Variants in SMARCA1 observed in about 807,000 individuals in gnomAD.
The protein encoded by SMARCA1 is SNF2 related chromatin remodeling ATPase 1, also known as SWI/SNF-related matrix-associated actin-dependent regulator of chromatin subfamily A member 1.
In SMARCA1, 17 loss-of-function variants were observed where a neutral mutation model predicts 93.6. The observed-to-expected ratio is 0.18, with a 90% CI of 0.12 to 0.27. The LOEUF (loss-of-function observed/expected upper bound fraction) is 0.27, where lower values mean the gene tolerates loss of function less well. Ranked by LOEUF, SMARCA1 falls within the 10% of genes least tolerant of loss-of-function variation. The probability of loss-of-function intolerance (pLI) is 1.00; values close to 1 mark genes in which losing one functional copy is unlikely to be tolerated. For missense variants in SMARCA1, 630 were observed against 819.0 expected (o/e 0.77, Z 2.82); for synonymous variants, 271 against 271.4 (o/e 1.00, Z 0.01).
In SMARCA1 at chrX:129,516,609, C is replaced by T. The variant is rs1935210026; in HGVS notation, c.262-112G>A. ...TTAGCACTTGAAACATTAATCCATT[C>T]AATTCTCTTAAGAAACCTATGACGT... On this transcript the variant is annotated intron_variant, in intron 2 of 24. Coordinates refer to ENST00000371121, the MANE Select transcript of SMARCA1 (RefSeq NM_001282874.2). 6.5e-6 allele frequency: 4 copies of T among 615,713 alleles called. No individual in the cohort carries two copies. The East Asian group carries it at 1.3e-4, about 21-fold the overall frequency. The allele number at this position is 615,713 out of a possible 1,213,427, so 50.7% of individuals were successfully genotyped here. A position where few individuals can be genotyped will look rare whatever the true frequency, so the allele number is the denominator to read the frequency against.
intron 7 of SMARCA1, 91 bp from the exon 8 acceptor site, chrX:129,506,302 G>T (rs1201005606): frequency 4.3e-6 from 3 of 690,145 alleles, no homozygotes; most frequent in African/African-American, 2.1e-5. Context: ...ATATATTTTT[G>T]ACTACAATAT....
chrX:129,491,269 T>G (rs1031809934), intron 14 of SMARCA1, among the ~76,000 whole-genome samples: 1 of 111,747 alleles, frequency 8.9e-6, no homozygotes, highest in Non-Finnish European at 1.9e-5. Flanking sequence ...TGCATCTTTT[T>G]ACTTCTAAAT....
Position 129,507,969 on chromosome X carries a change from G to T in SMARCA1, c.938C>A (p.Ala313Asp). Reference sequence around the variant, plus strand: ...AGATTTTTCATTCTTTATTCTGTGAGCTTCATCAATGACCAGGTATCGCCA... The same window carrying T: ...AGATTTTTCATTCTTTATTCTGTGATCTTCATCAATGACCAGGTATCGCCA... ...FHWRYLVIDE[A>D]HRIKNEKSKL... The change falls in exon 7 of 25, where the codon GCT (alanine) becomes GAT (aspartate). Residue 313 changes from alanine to aspartate, a missense_variant. Around this residue, in one of 4 missense-constraint regions of SMARCA1, gnomAD observed 382 missense variants for 537.9 expected, o/e 0.71. Transcript: ENST00000371121. 8.6e-7 allele frequency: 1 copy of T among 1,166,965 alleles called. No individual in the cohort carries two copies. The highest frequency in any genetic ancestry group is 1.1e-6 in the Non-Finnish European group (1 of 869,979).
At chrX:129,461,384 G>C (rs1054739022) in intron 23 of SMARCA1, among the ~76,000 whole-genome samples, 2 of 111,946 alleles carry the variant, frequency 1.8e-5, no homozygotes, top group Non-Finnish European at 3.8e-5. Flanking sequence ...AAGGACCTAA[G>C]AAGGTACAAG....
intron 23 of SMARCA1, among the ~76,000 whole-genome samples, chrX:129,459,088 C>T (rs755267785): frequency 8.9e-6 from 1 of 112,516 alleles, no homozygotes; most frequent in South Asian, 3.7e-4. Flanking sequence ...TGTTATGATG[C>T]TTTTACGTAA....
chrX:129,493,345 T>C (rs66699817), intron 12 of SMARCA1, among the ~76,000 whole-genome samples: 7,402 of 111,576 alleles, frequency 0.066, 298 homozygotes, highest in African/African-American at 0.15. Flanking sequence ...TACCAATTAC[T>C]TATACATATT....
intron 14 of SMARCA1, 111 bp downstream of exon 14, chrX:129,491,830 T>C (rs1934141545): frequency 2.0e-6 from 1 of 504,263 alleles, no homozygotes; most frequent in East Asian, 3.7e-5. Flanking sequence ...GTAACTTCTA[T>C]AAAATCTCTC....
intron 17 of SMARCA1, among the ~76,000 whole-genome samples, chrX:129,482,999 A>G (rs933740592): frequency 1.8e-5 from 2 of 112,249 alleles, no homozygotes; most frequent in Non-Finnish European, 3.8e-5. Flanking sequence ...AGAAGTAATG[A>G]CTAAAGACAG....
At position 129,487,017 on chromosome X, in the gene SMARCA1, C is replaced by T. The variant is rs1342285624; in HGVS notation, c.2217+1G>A. The T allele has an allele frequency of 8.6e-7, 1 of 1,167,999 alleles. No homozygotes were observed. Among genetic ancestry groups the T allele is most frequent in the Non-Finnish European group, 1.2e-6 (1 of 869,080 alleles). ...TCTAATGGTTGAGAGTAAAAAGTTA[C>T]CTTCTGTTTTTCTCTATAATCTTCT... On this transcript the variant is annotated splice_donor_variant, in intron 17 of 24. Coordinates refer to ENST00000371121, the MANE Select transcript of SMARCA1 (RefSeq NM_001282874.2). LOFTEE classifies it high-confidence loss of function.
intron 20 of SMARCA1, among the ~76,000 whole-genome samples, chrX:129,469,973 A>T (rs1942541105): frequency 8.9e-6 from 1 of 111,815 alleles, no homozygotes; most frequent in African/African-American, 3.2e-5. Context: ...TTATATTTTC[A>T]AACTAAACTT....
rs774567503 is a variant in SMARCA1, at chrX:129,519,337, C to T, written c.175-890G>A. Reference sequence around the variant, plus strand: ...AATAATAAAAACACAAATCTACCCACCAGAACCAAAGATGAGAGCATTTCA... The same window carrying T: ...AATAATAAAAACACAAATCTACCCATCAGAACCAAAGATGAGAGCATTTCA... On this transcript the variant is annotated intron_variant, in intron 1 of 24. Transcript: ENST00000371121. 2.7e-5 allele frequency among the ~76,000 whole-genome samples: 3 copies of T among 111,608 alleles called. No individual in the cohort carries two copies. The East Asian group carries it at 8.3e-4, about 31-fold the overall frequency.
chrX:129,507,647 G>A (rs758698558), intron 7 of SMARCA1, among the ~76,000 whole-genome samples: 5 of 112,133 alleles, frequency 4.5e-5, no homozygotes, highest in Non-Finnish European at 5.6e-5. Context: ...TCCGCCTCCC[G>A]GGTTCAAGCT....
intron 12 of SMARCA1, among the ~76,000 whole-genome samples, chrX:129,495,188 C>T (rs961010306): frequency 8.9e-6 from 1 of 112,742 alleles, no homozygotes; most frequent in Non-Finnish European, 1.9e-5. Context: ...CCTGAGCTGC[C>T]AGAAGAGGCT....
chrX:129,497,319 T>TC (rs1934376133), intron 11 of SMARCA1, among the ~76,000 whole-genome samples: 1 of 111,156 alleles, frequency 9.0e-6, no homozygotes, highest in Admixed American at 9.6e-5. Flanking sequence ...CAGCCAAGTC[T>TC]TCTCTGACAC....
chrX:129,494,837 A>G (rs762397065), intron 12 of SMARCA1, among the ~76,000 whole-genome samples: 1 of 112,505 alleles, frequency 8.9e-6, no homozygotes, highest in African/African-American at 3.2e-5. Context: ...AGTTGGTGCT[A>G]AAATTCAGGT....
At chrX:129,452,705 T>C (rs1449188062) in intron 23 of SMARCA1, among the ~76,000 whole-genome samples, 3 of 111,874 alleles carry the variant, frequency 2.7e-5, no homozygotes, top group African/African-American at 9.8e-5. Context: ...GAAATCAACT[T>C]GGGAAATGTT....
intron 17 of SMARCA1, among the ~76,000 whole-genome samples, chrX:129,485,171 C>T (rs1394172023): frequency 3.6e-5 from 4 of 112,403 alleles, no homozygotes; most frequent in African/African-American, 1.3e-4. Flanking sequence ...TTCATGAGAA[C>T]AGCCACGTGG....
chrX:129,515,961 ATCT>A lies in SMARCA1; in HGVS notation c.459_461del (p.Glu153del). 1.7e-6 allele frequency: 2 copies of A among 1,209,749 alleles called. No individual in the cohort carries two copies. Among genetic ancestry groups the A allele is most frequent in the Non-Finnish European group, 1.1e-6 (1 of 893,301 alleles). ...TCCGACTCTCAGACAGTAGCTCTTC[ATCT>A]TCTTCTTGCTCTGTGCGCCTATGGC... On this transcript the variant is annotated inframe_deletion, in exon 4 of 25. Transcript: ENST00000371121.
intron 6 of SMARCA1, among the ~76,000 whole-genome samples, chrX:129,511,271 A>G (rs1180224683): frequency 2.7e-5 from 3 of 111,737 alleles, no homozygotes; most frequent in Non-Finnish European, 5.6e-5. Context: ...TTTCTATTCA[A>G]ACACCAAAAC....
Sources: allele counts gnomAD v4.1 joint callset (sites outside exome capture counted in the v4.1 genomes callset), GRCh38; gene constraint gnomAD v4.1.1; regional missense constraint gnomAD v4.1.1; transcripts MANE v1.5; gene names NCBI Gene and HGNC (gene_info 2026-07-23, HGNC 2026-07-21).